Variants in ABLIM1 observed in about 807,000 individuals in gnomAD.
ABLIM1 encodes actin binding LIM protein 1.
In ABLIM1, 40 loss-of-function variants were observed where a neutral mutation model predicts 107.0. The observed-to-expected ratio is 0.37, with a 90% CI of 0.29 to 0.49. The LOEUF (loss-of-function observed/expected upper bound fraction) is 0.49. Among genes scored for constraint, ABLIM1 ranks in the 20% least tolerant of loss-of-function variants. The pLI is 0.97. For synonymous variants in ABLIM1, 357 were observed against 357.3 expected (o/e 1.00, Z 0.01); for missense variants, 857 against 1,008.5 (o/e 0.85, Z 2.04).
chr10:114,785,238 C>G, the ABLIM1 span, among the ~76,000 whole-genome samples: 1 of 152,190 alleles, frequency 6.6e-6, no homozygotes, highest in Non-Finnish European at 1.5e-5. Flanking sequence ...ATTCTAACTC[C>G]TAGGTGGCTT....
chr10:114,655,625 GTA>G (rs2079466599), intron 1 of ABLIM1, among the ~76,000 whole-genome samples: 1 of 152,084 alleles, frequency 6.6e-6, no homozygotes, highest in East Asian at 1.9e-4. Flanking sequence ...GGGATTCTAG[GTA>G]TCCCCTAGTA....
chr10:114,688,664 TA>T (rs1016730805), upstream of ABLIM1, among the ~76,000 whole-genome samples: 9 of 152,154 alleles, frequency 5.9e-5, no homozygotes, highest in African/African-American at 2.2e-4. Flanking sequence ...GTTGAGAAGT[TA>T]AAGAAATTGC....
Position 114,444,038 on chromosome 10 carries a change from T to C in ABLIM1, c.1924A>G (p.Ile642Val). Residue 642 changes from isoleucine to valine, a missense_variant, in exon 17 of 23, where the codon ATC becomes GTC. Ile to Val is a conservative substitution (Grantham distance 29, BLOSUM62 3). Around this residue, in one of 5 missense-constraint regions of ABLIM1, gnomAD observed 193 missense variants for 208.5 expected, o/e 0.93. Coordinates refer to ENST00000533213, the MANE Select transcript of ABLIM1 (RefSeq NM_002313.7). ...SLLASRYDSPINSASHIPSSK... is the reference protein window; with the variant it reads ...SLLASRYDSPVNSASHIPSSK... ...GGGGTTTGCTGCTTACCTGAGTTGA[T>C]GGGAGAATCGTAGCGACTGGCTAAC... 6.2e-7 allele frequency: 1 copy of C among 1,605,470 alleles called. No individual in the cohort carries two copies. The highest frequency in any genetic ancestry group is 1.1e-5 in the South Asian group (1 of 89,028).
intron 14 of ABLIM1, 131 bp from the exon 15 acceptor site, chr10:114,448,151 T>C: frequency 8.6e-7 from 1 of 1,160,442 alleles, no homozygotes; most frequent in Non-Finnish European, 1.2e-6. Context: ...TTATTACCAT[T>C]ATCCATGGCC....
intron 8 of ABLIM1, among the ~76,000 whole-genome samples, chr10:114,486,948 T>C (rs887961037): frequency 1.3e-5 from 2 of 151,978 alleles, no homozygotes; most frequent in African/African-American, 4.8e-5. Context: ...ACTAGGAAAA[T>C]AAGAGCTGTA....
At chr10:114,515,899 C>T (rs1223884908) in intron 6 of ABLIM1, among the ~76,000 whole-genome samples, 3 of 152,198 alleles carry the variant, frequency 2.0e-5, no homozygotes, top group African/African-American at 7.2e-5. Flanking sequence ...TCTACCGGCT[C>T]AGAGAGGACA....
chr10:114,500,797 C>T (rs1405988815), intron 6 of ABLIM1, among the ~76,000 whole-genome samples: 1 of 105,218 alleles, frequency 9.5e-6, no homozygotes, highest in Non-Finnish European at 1.9e-5. Flanking sequence ...GGAAGGGAGC[C>T]TACTACGTAG....
At chr10:114,614,700 G>A (rs540642449) in intron 1 of ABLIM1, among the ~76,000 whole-genome samples, 6 of 152,302 alleles carry the variant, frequency 3.9e-5, no homozygotes, top group Non-Finnish European at 5.9e-5. Context: ...ATATCCCTAT[G>A]AGTAATTGAT....
chr10:114,679,873 T>C (rs780312116), intron 1 of ABLIM1, among the ~76,000 whole-genome samples: 17 of 152,156 alleles, frequency 1.1e-4, no homozygotes, highest in Non-Finnish European at 2.2e-4. Flanking sequence ...AAACTAGGAA[T>C]ATGGATTACT....
intron 4 of ABLIM1, among the ~76,000 whole-genome samples, chr10:114,569,778 C>T (rs573543875): frequency 2.6e-5 from 4 of 152,158 alleles, no homozygotes; most frequent in Non-Finnish European, 5.9e-5. Flanking sequence ...AGTTGAAACC[C>T]TACTAGGGGT....
chr10:114,445,357 C>A lies in ABLIM1; in HGVS notation c.1782G>T (p.Glu594Asp). The change falls in exon 16 of 23, where the codon GAG (glutamate) becomes GAT (aspartate). Residue 594 changes from glutamate to aspartate, a missense_variant. Glu to Asp is a conservative substitution (Grantham distance 45). This residue lies in a region of ABLIM1 where 103 missense variants were observed against 101.0 expected (regional missense o/e 1.02). Coordinates refer to ENST00000533213, the MANE Select transcript of ABLIM1 (RefSeq NM_002313.7). ...RRSSGREEDD[E>D]ELLRRRQLQE... Reference sequence around the variant, plus strand: ...GAAGCTGCCGACGTCTCAGAAGTTCCTCATCATCTTCCTCTCTGCCACTAG... The same window carrying A: ...GAAGCTGCCGACGTCTCAGAAGTTCATCATCATCTTCCTCTCTGCCACTAG... 6.2e-7 allele frequency: 1 copy of A among 1,609,426 alleles called. No homozygotes were observed. Among genetic ancestry groups the A allele is most frequent in the Non-Finnish European group, 8.5e-7 (1 of 1,177,544 alleles).
At chr10:114,592,083 C>T (rs1414954786) in intron 2 of ABLIM1, among the ~76,000 whole-genome samples, 2 of 152,318 alleles carry the variant, frequency 1.3e-5, no homozygotes, top group Non-Finnish European at 2.9e-5. Context: ...CCCACTGGTG[C>T]CTACATTCTT....
chr10:114,582,195 A>G (rs1300819900), intron 2 of ABLIM1, among the ~76,000 whole-genome samples: 2 of 152,142 alleles, frequency 1.3e-5, no homozygotes, highest in Non-Finnish European at 2.9e-5. Flanking sequence ...ATATACAAAA[A>G]CCAGTATAAT....
chr10:114,476,578 A>G (rs977220821), intron 8 of ABLIM1, among the ~76,000 whole-genome samples: 5 of 151,768 alleles, frequency 3.3e-5, no homozygotes, highest in African/African-American at 1.2e-4. Context: ...TGGGAGGCGG[A>G]GGGTGCAGTG....
intron 1 of ABLIM1, among the ~76,000 whole-genome samples, chr10:114,752,113 A>T (rs566457568): frequency 9.5e-4 from 145 of 152,332 alleles, no homozygotes; most frequent in Non-Finnish European, 1.8e-3. Flanking sequence ...GAGTCAAAGT[A>T]AAATTGAGTC....
intron 1 of ABLIM1, chr10:114,632,088 G>A (rs2078220879): frequency 9.1e-6 from 9 of 985,228 alleles, no homozygotes; most frequent in Non-Finnish European, 9.6e-6. Flanking sequence ...CCGCCTCGGC[G>A]GGCCCCGCTC....
At position 114,707,744 on chromosome 10, in the gene ABLIM1, T is replaced by A. The variant is rs1013545623; in HGVS notation, c.-213+60317A>T. ...GTGAAAACACGGTCTCTACTAAAAA[T>A]ACAAAAATTAGCCAGGCGTGGTGGC... On this transcript the variant is annotated intron_variant, in intron 1 of 15. Transcript: ENST00000651092. This position sits in a 1 kb window ranked among gnomAD's most constrained non-coding sequence, Gnocchi z 4.1. Among the ~76,000 whole-genome samples the A allele has an allele frequency of 6.6e-6, 1 of 151,834 alleles. No individual in the cohort carries two copies. The highest frequency in any genetic ancestry group is 2.4e-5 in the African/African-American group (1 of 41,326).
At chr10:114,584,870 C>T (rs182384879) in intron 2 of ABLIM1, among the ~76,000 whole-genome samples, 2 of 152,254 alleles carry the variant, frequency 1.3e-5, no homozygotes, top group Admixed American at 1.3e-4. Context: ...TTTGAAACCT[C>T]TATTTATTAA....
chr10:114,613,446 C>T (rs754337354), intron 1 of ABLIM1, among the ~76,000 whole-genome samples: 3 of 152,220 alleles, frequency 2.0e-5, no homozygotes, highest in Non-Finnish European at 4.4e-5. Flanking sequence ...GCAAACTTTA[C>T]AGATCAGGGC....
Sources: allele counts gnomAD v4.1 joint callset (sites outside exome capture counted in the v4.1 genomes callset), GRCh38; gene constraint gnomAD v4.1.1; regional missense constraint gnomAD v4.1.1; non-coding constraint Gnocchi (gnomAD v3.1); transcripts MANE v1.5; gene names NCBI Gene and HGNC (gene_info 2026-07-23, HGNC 2026-07-21).